The following MLIP variants were observed in gnomAD, a reference collection of about 807,000 sequenced individuals.
MLIP encodes the protein muscular LMNA interacting protein, also known as muscular LMNA-interacting protein.
A neutral mutation model predicts 84.8 loss-of-function variants in MLIP; 79 were observed. The ratio of observed to expected loss-of-function variants is 0.93; its 90% CI spans 0.78 to 1.12. The LOEUF is 1.12. Ranked by LOEUF, MLIP falls within the 50% of genes most tolerant of loss-of-function variation. The probability of loss-of-function intolerance (pLI) is 0.00; values close to 1 mark genes in which losing one functional copy is unlikely to be tolerated. For synonymous variants in MLIP, 504 were observed against 463.0 expected (o/e 1.09, Z -1.14); for missense variants, 1,257 against 1,160.6 (o/e 1.08, Z -1.21).
chr6:54,125,021 T>C lies in MLIP; in HGVS notation c.645+156T>C, dbSNP rs78343188. On this transcript the variant is annotated intron_variant, in intron 3 of 13. Coordinates refer to ENST00000502396, the MANE Select transcript of MLIP (RefSeq NM_001281747.2). ...ATTATCTCAGGGTAATAAATCATCA[T>C]AGTGTAAACACAGATAATAAATATA... Among the ~76,000 whole-genome samples, 1,274 of 152,372 alleles carry C rather than the reference T, an allele frequency of 8.4e-3. 19 individuals are homozygous for C. Among genetic ancestry groups the C allele is most frequent in the African/African-American group, 0.028 (1,185 of 41,592 alleles).
At chr6:54,047,603 TGGAACTTTG>T (rs2150312030) in intron 1 of MLIP, 1 of 152,266 alleles carries the variant, frequency 6.6e-6, no homozygotes, top group East Asian at 1.9e-4. Context: ...CCAGGAAGAA[TGGAACTTTG>T]GGGACAGAAG....
intron 1 of MLIP, among the ~76,000 whole-genome samples, chr6:54,060,388 G>T (rs1178095570): frequency 6.6e-6 from 1 of 152,192 alleles, no homozygotes; most frequent in Non-Finnish European, 1.5e-5. Context: ...CACCTATGTT[G>T]TAATTTGGCC....
At chr6:54,084,162 T>C (rs1421229837) in intron 1 of MLIP, among the ~76,000 whole-genome samples, 3 of 152,144 alleles carry the variant, frequency 2.0e-5, no homozygotes, top group Non-Finnish European at 4.4e-5. Context: ...TTGAACTTTT[T>C]TGCTCCCCCT....
chr6:54,153,832 AC>A (rs1773724183), intron 5 of MLIP, among the ~76,000 whole-genome samples: 5 of 143,846 alleles, frequency 3.5e-5, no homozygotes, highest in African/African-American at 1.1e-4. Context: ...AGCCTGGGTG[AC>A]AGAGTGAGAC....
intron 12 of MLIP, among the ~76,000 whole-genome samples, chr6:54,235,389 C>T (rs991921643): frequency 6.6e-6 from 1 of 152,182 alleles, no homozygotes; most frequent in African/African-American, 2.4e-5. Flanking sequence ...AATTATCCCT[C>T]CTCTTTTGTG....
intron 11 of MLIP, chr6:54,218,068 A>G: frequency 6.9e-6 from 6 of 865,800 alleles, no homozygotes; most frequent in Non-Finnish European, 8.3e-6. Flanking sequence ...TTTTATAAAT[A>G]AAGTATTATT....
At chr6:54,116,560 C>A (rs1027277002) in intron 1 of MLIP, among the ~76,000 whole-genome samples, 3 of 152,130 alleles carry the variant, frequency 2.0e-5, no homozygotes, top group African/African-American at 4.8e-5. Flanking sequence ...AACAGAAAAT[C>A]TGAACAGAAC....
intron 1 of MLIP, among the ~76,000 whole-genome samples, chr6:54,063,559 C>T (rs1470085171): frequency 2.0e-5 from 3 of 152,048 alleles, no homozygotes; most frequent in Admixed American, 6.6e-5. Flanking sequence ...AAATGTACAA[C>T]AAATAGGCAT....
chr6:54,194,721 G>A (rs1440874268), intron 10 of MLIP, among the ~76,000 whole-genome samples: 1 of 150,684 alleles, frequency 6.6e-6, no homozygotes, highest in Non-Finnish European at 1.5e-5. Context: ...ATCTCATTAG[G>A]TTCTCGAATC....
intron 11 of MLIP, among the ~76,000 whole-genome samples, chr6:54,223,823 G>A (rs141743290): frequency 5.9e-5 from 9 of 151,730 alleles, no homozygotes; most frequent in African/African-American, 9.7e-5. Context: ...GATCTAACTC[G>A]AAAAAATAGA....
intron 1 of MLIP, chr6:54,019,163 T>C (rs1763361992): frequency 1.3e-6 from 2 of 1,507,770 alleles, no homozygotes; most frequent in East Asian, 2.3e-5. Context: ...TGTCATAGAC[T>C]GGAAAAGTTG....
intron 1 of MLIP, among the ~76,000 whole-genome samples, chr6:54,079,132 G>A (rs768825030): frequency 1.3e-5 from 2 of 152,076 alleles, no homozygotes; most frequent in African/African-American, 2.4e-5. Context: ...ACTTGAATGA[G>A]GCATCCTAAT....
At chr6:54,097,946 A>C (rs1297543899) in intron 1 of MLIP, among the ~76,000 whole-genome samples, 1 of 152,124 alleles carries the variant, frequency 6.6e-6, no homozygotes, top group Non-Finnish European at 1.5e-5. Context: ...TCAATATTAG[A>C]GTCAGCAAGA....
At chr6:54,122,135 A>T (rs1199485952) in intron 2 of MLIP, among the ~76,000 whole-genome samples, 1 of 152,170 alleles carries the variant, frequency 6.6e-6, no homozygotes, top group African/African-American at 2.4e-5. Flanking sequence ...ACTCTTTGAA[A>T]AGTATCCCAA....
At chr6:54,024,586 C>A (rs1304467523) in intron 1 of MLIP, among the ~76,000 whole-genome samples, 1 of 152,118 alleles carries the variant, frequency 6.6e-6, no homozygotes, top group Non-Finnish European at 1.5e-5. Context: ...GTACTAAGGG[C>A]TGCAGTGGGA....
intron 1 of MLIP, among the ~76,000 whole-genome samples, chr6:54,077,623 C>T (rs760279077): frequency 3.3e-5 from 5 of 152,100 alleles, no homozygotes; most frequent in Non-Finnish European, 4.4e-5. Context: ...TTTAACTGAA[C>T]CCTCTGTAGA....
chr6:54,050,309 C>T (rs960457809), intron 1 of MLIP, among the ~76,000 whole-genome samples: 1 of 152,076 alleles, frequency 6.6e-6, no homozygotes, highest in Non-Finnish European at 1.5e-5. Context: ...TTTTACCTTA[C>T]CATCTGCCAA....
intron 1 of MLIP, among the ~76,000 whole-genome samples, chr6:54,119,515 G>A (rs553303955): frequency 6.6e-6 from 1 of 152,306 alleles, no homozygotes; most frequent in South Asian, 2.1e-4. Context: ...GAGTAAAATA[G>A]TGGTTACCAG....
rs1484503659 is a variant in MLIP at position 54,216,136 on chromosome 6, CT to C, written c.2718+13904del. On this transcript the variant is annotated intron_variant, in intron 11 of 13. Transcript: ENST00000502396. ...GATACTGCAATGGTTGAATGAAATA[CT>C]CACTATCAAAGGGCTCTAAAGACTT... 5.1e-6 allele frequency: 5 copies of C among 983,992 alleles called. No individual in the cohort carries two copies. The Admixed American group carries it at 3.1e-4, about 60-fold the overall frequency. The allele number at this position is 983,992 out of a possible 1,614,324, so 61.0% of individuals were successfully genotyped here.
Sources: allele counts gnomAD v4.1 joint callset (sites outside exome capture counted in the v4.1 genomes callset), GRCh38; gene constraint gnomAD v4.1.1; transcripts MANE v1.5; gene names NCBI Gene and HGNC (gene_info 2026-07-23, HGNC 2026-07-21).